ATP9B: variants seen among roughly 807,000 people sequenced by gnomAD.
The protein encoded by ATP9B is probable phospholipid-transporting ATPase IIB.
In ATP9B, 110 loss-of-function variants were observed where a neutral mutation model predicts 146.1. That is an observed-to-expected ratio of 0.75 (90% confidence interval 0.65 to 0.88). The LOEUF (loss-of-function observed/expected upper bound fraction) is 0.88, where lower values mean the gene tolerates loss of function less well. ATP9B is among the 40% of genes least tolerant of loss of function. The pLI is 0.00. For synonymous variants in ATP9B, 604 were observed against 569.7 expected, an observed-to-expected ratio of 1.06 and a Z score of -0.86; for missense variants, 1,499 against 1,496.4, an observed-to-expected ratio of 1.00 and a Z score of -0.03.
chr18:79,094,616 C>T (rs952870731), intron 1 of ATP9B, among the ~76,000 whole-genome samples: 4 of 152,178 alleles, frequency 2.6e-5, no homozygotes, highest in South Asian at 2.1e-4. Flanking sequence ...AAGAAAAAAA[C>T]GTTCTGCTTT....
In ATP9B at chr18:79,069,518, C is replaced by T. The variant is rs1357813906; in HGVS notation, c.108C>T (p.Asp36=). The T allele has an allele frequency of 1.4e-6, 2 of 1,421,568 alleles. No homozygotes were observed. Among genetic ancestry groups the T allele is most frequent in the East Asian group, 3.1e-5 (1 of 32,618 alleles). The allele number at this position is 1,421,568 out of a possible 1,614,324, so 88.1% of individuals were successfully genotyped here. The change falls in exon 1 of 30, where the codon GAC becomes GAT. Residue 36 remains aspartate, a synonymous_variant. Coordinates refer to ENST00000426216, the MANE Select transcript of ATP9B (RefSeq NM_198531.5). ...CCGCGGGGCCCAGGCCGGGAGCCGA[C>T]CGGCACAGCAGGTAACCGAGGCGGC... The part of the protein sequence containing the change: ...YSAAGPRPGA[D]RHSRYQLEDE...
intron 13 of ATP9B, among the ~76,000 whole-genome samples, chr18:79,280,079 C>T (rs1308324344): frequency 6.6e-6 from 1 of 152,124 alleles, no homozygotes; most frequent in Non-Finnish European, 1.5e-5. Flanking sequence ...CTAGATGTAA[C>T]ATAAAAAAGT....
intron 15 of ATP9B, among the ~76,000 whole-genome samples, chr18:79,324,995 G>A (rs2096736283): frequency 1.3e-5 from 2 of 152,212 alleles, no homozygotes; most frequent in African/African-American, 4.8e-5. Flanking sequence ...CAGTGGGGCT[G>A]GAGAGCCATG....
At chr18:79,354,149 C>T (rs1176536609) in intron 25 of ATP9B, 2 of 152,148 alleles carry the variant, frequency 1.3e-5, no homozygotes, top group East Asian at 1.9e-4. Flanking sequence ...TTTAGGTATC[C>T]GCATGTTTCA....
intron 7 of ATP9B, among the ~76,000 whole-genome samples, chr18:79,176,258 G>A (rs1221270031): frequency 6.6e-6 from 1 of 152,176 alleles, no homozygotes; most frequent in Non-Finnish European, 1.5e-5. Context: ...TGAGAAGTGG[G>A]ATGATAGCAC....
intron 12 of ATP9B, among the ~76,000 whole-genome samples, chr18:79,256,854 G>A (rs1242729106): frequency 2.0e-5 from 3 of 152,108 alleles, no homozygotes; most frequent in South Asian, 2.1e-4. Context: ...TGCTTCTAGC[G>A]AATCATCCTA....
intron 1 of ATP9B, among the ~76,000 whole-genome samples, chr18:79,094,520 A>G (rs1222076222): frequency 6.6e-6 from 1 of 152,218 alleles, no homozygotes; most frequent in African/African-American, 2.4e-5. Context: ...TTTGGACTCC[A>G]GGAGCCCATC....
At chr18:79,077,362 G>A (rs773323984) in intron 1 of ATP9B, among the ~76,000 whole-genome samples, 38 of 152,186 alleles carry the variant, frequency 2.5e-4, no homozygotes, top group Non-Finnish European at 8.8e-5. Flanking sequence ...AAGGTACCAT[G>A]TGACTGCTGG....
chr18:79,307,838 A>G (rs1453407053), intron 15 of ATP9B, among the ~76,000 whole-genome samples: 1 of 152,188 alleles, frequency 6.6e-6, no homozygotes, highest in Non-Finnish European at 1.5e-5. Flanking sequence ...TATATTTTAT[A>G]TACAGTTTTG....
Position 79,318,180 on chromosome 18 carries a change from G to T in ATP9B, c.1773+10946G>T, listed in dbSNP as rs187074243. Among the ~76,000 whole-genome samples the T allele has an allele frequency of 1.2e-4, 18 of 152,362 alleles. No individual in the cohort carries two copies. In the East Asian group the frequency reaches 3.5e-3, roughly 29 times the overall value. ...GTAGCTACTGAACCCGCAGGTTGGG[G>T]AGCATAATTCCTCTTCCTTTAGGTG... On this transcript the variant is annotated intron_variant, in intron 15 of 29. Coordinates refer to ENST00000426216, the MANE Select transcript of ATP9B (RefSeq NM_198531.5).
chr18:79,292,582 A>T (rs906743748), intron 13 of ATP9B, among the ~76,000 whole-genome samples: 1 of 152,194 alleles, frequency 6.6e-6, no homozygotes, highest in Admixed American at 6.5e-5. Flanking sequence ...TCTGAAATTC[A>T]CATGGAGATA....
Position 79,377,525 on chromosome 18 carries a change from G to T in ATP9B, c.*142G>T. 1.8e-6 allele frequency: 2 copies of T among 1,124,662 alleles called. No homozygotes were observed. Among genetic ancestry groups the T allele is most frequent in the Admixed American group, 4.8e-5 (2 of 41,526 alleles). 69.7% of individuals were successfully genotyped at this position (1,124,662 alleles called of 1,614,324 possible). A position where few individuals can be genotyped will look rare whatever the true frequency, so the allele number is the denominator to read the frequency against. ...GGAGGGTACGCCAGGCGAGCCCAGG[G>T]CACAGATGCTGAGACAGCCTCTCCT... On this transcript the variant is annotated 3_prime_UTR_variant, in exon 30 of 30. Coordinates refer to ENST00000426216, the MANE Select transcript of ATP9B (RefSeq NM_198531.5).
At chr18:79,170,235 C>T (rs1186405982) in intron 7 of ATP9B, among the ~76,000 whole-genome samples, 2 of 152,192 alleles carry the variant, frequency 1.3e-5, no homozygotes, top group East Asian at 3.9e-4. Context: ...CCACACTGGG[C>T]CTGGGTGGCA....
At chr18:79,144,918 A>T (rs1370758416) in intron 6 of ATP9B, 1 of 166,170 alleles carries the variant, frequency 6.0e-6, no homozygotes, top group Non-Finnish European at 1.3e-5. Flanking sequence ...ACAAAAGAAG[A>T]AGTTTAGATC....
At position 79,089,298 on chromosome 18, in the gene ATP9B, T is replaced by G. The variant is rs538457225; in HGVS notation, c.120-7178T>G. Among the ~76,000 whole-genome samples, 24 of 152,320 alleles carry G rather than the reference T, an allele frequency of 1.6e-4. No individual in the cohort carries two copies. In the East Asian group the frequency reaches 4.2e-3, roughly 27 times the overall value. ...AAAAGTCCTTTGTGAAAACAAAAAT[T>G]ATTCCAGGTTTAAAACCTTCCAATA... On this transcript the variant is annotated intron_variant, in intron 1 of 29. Coordinates refer to ENST00000426216, the MANE Select transcript of ATP9B (RefSeq NM_198531.5).
rs2094810112 is a variant in ATP9B, at chr18:79,157,417, A to AAAAAAAAAAC, written c.778+2869_778+2870insAACAAAAAAA. 3.3e-5 allele frequency among the ~76,000 whole-genome samples: 5 copies of AAAAAAAAAAC among 150,196 alleles called. No homozygotes were observed. The South Asian group carries it at 1.1e-3, about 32-fold the overall frequency. On this transcript the variant is annotated intron_variant, in intron 7 of 29. Transcript: ENST00000426216. ...ATCTCAAAAAAAAAAAAAAAAAAAAAAAAAAAACATGTATTGACTTATAGT... is the reference window on the plus strand; with the variant it reads ...ATCTCAAAAAAAAAAAAAAAAAAAAAAAAAAAAAACAAAAAAACATGTATTGACTTATAGT...
At chr18:79,224,434 G>A (rs1363071547) in intron 11 of ATP9B, among the ~76,000 whole-genome samples, 1 of 152,214 alleles carries the variant, frequency 6.6e-6, no homozygotes, top group Non-Finnish European at 1.5e-5. Flanking sequence ...TGGTGGTTAT[G>A]TAGTTGCTGA....
intron 1 of ATP9B, among the ~76,000 whole-genome samples, chr18:79,084,189 T>C (rs2073582697): frequency 6.6e-6 from 1 of 151,482 alleles, no homozygotes; most frequent in South Asian, 2.1e-4. Context: ...CATAGATAAA[T>C]GTAACTCACC....
At chr18:79,127,779 T>C (rs1351718780) in intron 5 of ATP9B, among the ~76,000 whole-genome samples, 1 of 152,166 alleles carries the variant, frequency 6.6e-6, no homozygotes, top group African/African-American at 2.4e-5. Flanking sequence ...TTTTAAAGAA[T>C]TGCCAACCTG....
Sources: gnomAD v4.1 joint callset for allele counts (sites outside exome capture counted in the v4.1 genomes callset) on GRCh38, gnomAD v4.1.1 for gene constraint, MANE v1.5 for transcripts, NCBI Gene and HGNC (gene_info 2026-07-23, HGNC 2026-07-21) for gene names.